SORCS2: variants seen among roughly 807,000 people sequenced by gnomAD.
SORCS2 encodes VPS10 domain-containing receptor SorCS2.
SORCS2 carries 100 observed loss-of-function variants against 141.6 expected under a neutral mutation model. The ratio of observed to expected loss-of-function variants is 0.71; its 90% CI spans 0.60 to 0.83. The LOEUF is 0.83. Among genes scored for constraint, SORCS2 ranks in the 40% least tolerant of loss-of-function variants. The pLI, the probability that SORCS2 is intolerant of heterozygous loss-of-function variation, is 0.00. For synonymous variants in SORCS2, 789 were observed against 676.9 expected (o/e 1.17, Z -2.57); for missense variants, 1,646 against 1,560.2 (o/e 1.05, Z -0.93).
Position 7,537,553 on chromosome 4 carries a change from G to A in SORCS2, c.648+5924G>A, listed in dbSNP as rs1192946058. 3.3e-5 allele frequency among the ~76,000 whole-genome samples: 5 copies of A among 152,198 alleles called. 1 individual carries two copies. Among genetic ancestry groups the A allele is most frequent in the African/African-American group, 9.7e-5 (4 of 41,440 alleles). ...GCCCTTTGCTTTGTCCAGTCTTATA[G>A]AGAGCAGATACAGATTATGTACCTA... On this transcript the variant is annotated intron_variant, in intron 3 of 26. Coordinates refer to ENST00000507866, the MANE Select transcript of SORCS2 (RefSeq NM_020777.3).
At chr4:7,483,147 C>T (rs1206958104) in intron 2 of SORCS2, among the ~76,000 whole-genome samples, 2 of 151,896 alleles carry the variant, frequency 1.3e-5, no homozygotes, top group East Asian at 1.9e-4. Flanking sequence ...GGTGAAACCC[C>T]GTCTCTACTA....
intron 3 of SORCS2, among the ~76,000 whole-genome samples, chr4:7,567,203 G>T (rs1232506664): frequency 3.9e-5 from 6 of 152,236 alleles, no homozygotes; most frequent in East Asian, 1.9e-4. Context: ...ATCTGACATT[G>T]GTATGTACAT....
intron 1 of SORCS2, among the ~76,000 whole-genome samples, chr4:7,194,117 G>A (rs1016843480): frequency 6.6e-6 from 1 of 152,160 alleles, no homozygotes; most frequent in Admixed American, 6.5e-5. Flanking sequence ...ATTGGGATAG[G>A]GAGGTGGCAG....
chr4:7,645,828 A>G (rs1721037119), intron 4 of SORCS2, among the ~76,000 whole-genome samples: 1 of 152,190 alleles, frequency 6.6e-6, no homozygotes, highest in Non-Finnish European at 1.5e-5. Context: ...TTACAAACCC[A>G]GGTGACAGCC....
intron 3 of SORCS2, among the ~76,000 whole-genome samples, chr4:7,549,966 G>T (rs1284686490): frequency 6.6e-6 from 1 of 152,168 alleles, no homozygotes; most frequent in Non-Finnish European, 1.5e-5. Flanking sequence ...TCTCATATTT[G>T]CTCCCGAGGA....
At chr4:7,409,548 G>C (rs149444876) in intron 2 of SORCS2, among the ~76,000 whole-genome samples, 347 of 152,280 alleles carry the variant, frequency 2.3e-3, no homozygotes, top group South Asian at 0.015. Context: ...CACTTGAGTT[G>C]TTTTCTATGG....
rs753849408 is a variant in SORCS2 at position 7,704,232 on chromosome 4, G to A, written c.1816G>A (p.Val606Met). Residue 606 changes from valine (V) to methionine (M), a missense_variant, in exon 14 of 27, where the codon GTG becomes ATG. Coordinates refer to ENST00000507866, the MANE Select transcript of SORCS2 (RefSeq NM_020777.3). ...WSTHNFTSTS[V>M]FVDGLLSEPG... is the part of the protein sequence containing the mutation. ...CACGCACAACTTCACCAGCACCTCG[G>A]TGTTTGTGGACGGGCTGCTGAGTGA... The A allele has an allele frequency of 3.1e-6, 5 of 1,613,230 alleles. No individual in the cohort carries two copies. The South Asian group carries it at 3.3e-5, about 11-fold the overall frequency.
intron 2 of SORCS2, among the ~76,000 whole-genome samples, chr4:7,525,926 T>TG (rs1733662842): frequency 1.9e-5 from 1 of 52,980 alleles, no homozygotes; most frequent in Non-Finnish European, 3.6e-5. Flanking sequence ...TGTCCCCTCC[T>TG]CACACCTGTC....
chr4:7,624,273 G>T (rs1042339106), intron 3 of SORCS2, among the ~76,000 whole-genome samples: 1 of 152,076 alleles, frequency 6.6e-6, no homozygotes, highest in South Asian at 2.1e-4. Context: ...TTACATTCAC[G>T]GGCCTTTCTT....
intron 3 of SORCS2, among the ~76,000 whole-genome samples, chr4:7,533,976 C>T (rs778006539): frequency 3.0e-4 from 45 of 152,054 alleles, no homozygotes; most frequent in South Asian, 2.1e-3. Flanking sequence ...CAGGCAGCAC[C>T]GGGGAGGTAT....
chr4:7,416,557 T>A (rs1222638701), intron 2 of SORCS2, among the ~76,000 whole-genome samples: 2 of 152,114 alleles, frequency 1.3e-5, no homozygotes, highest in East Asian at 3.9e-4. Context: ...TGCATGCATG[T>A]GCACATGCAC....
chr4:7,252,161 C>A (rs1713547860), intron 1 of SORCS2, among the ~76,000 whole-genome samples: 1 of 152,228 alleles, frequency 6.6e-6, no homozygotes, highest in South Asian at 2.1e-4. Flanking sequence ...TACTACCTGG[C>A]ATCTGGGGGG....
At chr4:7,217,171 C>T (rs1350489480) in intron 1 of SORCS2, among the ~76,000 whole-genome samples, 1 of 152,228 alleles carries the variant, frequency 6.6e-6, no homozygotes, top group Non-Finnish European at 1.5e-5. Context: ...TGACCAGCCT[C>T]ATTGGGTCCC....
chr4:7,539,795 C>G (rs1319222175), intron 3 of SORCS2, among the ~76,000 whole-genome samples: 1 of 149,860 alleles, frequency 6.7e-6, no homozygotes, highest in African/African-American at 2.5e-5. Flanking sequence ...TGTGGATGCT[C>G]TGCCTCCTTC....
intron 2 of SORCS2, among the ~76,000 whole-genome samples, chr4:7,441,178 G>C (rs1727639850): frequency 6.6e-6 from 1 of 152,202 alleles, no homozygotes; most frequent in South Asian, 2.1e-4. Flanking sequence ...AGGGTCAGAG[G>C]GCAGGTGAAG....
Position 7,715,234 on chromosome 4 carries a change from C to T in SORCS2, c.2175C>T (p.Cys725=), listed in dbSNP as rs749527450. ...SSSSESSTNK[C]SANFWFNPLS... The stretch of plus-strand genomic sequence containing the variant: ...CCTCAGAGTCCAGCACCAACAAGTG[C>T]TCTGCCAACTTCTGGTTTAACCCAT... Residue 725 remains cysteine (C), a synonymous_variant, in exon 17 of 27, where the codon TGC becomes TGT. Transcript: ENST00000507866. 4 of 1,613,906 alleles carry T rather than the reference C, an allele frequency of 2.5e-6. No homozygotes were observed. The Admixed American group carries it at 5.0e-5, about 20-fold the overall frequency.
At chr4:7,434,908 T>G in intron 2 of SORCS2, 1 of 1,504,818 alleles carries the variant, frequency 6.6e-7, no homozygotes, top group Non-Finnish European at 8.9e-7. Context: ...GGCTCCAGAG[T>G]ACCCAGCAGT....
At chr4:7,442,833 C>T (rs1414131017) in intron 2 of SORCS2, among the ~76,000 whole-genome samples, 1 of 151,854 alleles carries the variant, frequency 6.6e-6, no homozygotes, top group Non-Finnish European at 1.5e-5. Flanking sequence ...ACGGGGTGGC[C>T]GAAAACAACC....
Position 7,541,584 on chromosome 4 carries a change from G to A in SORCS2, c.648+9955G>A, listed in dbSNP as rs190977853. Reference sequence around the variant, plus strand: ...CACAGCTGTGGCCAGGGCCTTGCTCGGGGGCGCCCAGGCAGCCAGGCCTCT... The same window carrying A: ...CACAGCTGTGGCCAGGGCCTTGCTCAGGGGCGCCCAGGCAGCCAGGCCTCT... On this transcript the variant is annotated intron_variant, in intron 3 of 26. Coordinates refer to ENST00000507866, the MANE Select transcript of SORCS2 (RefSeq NM_020777.3). Among the ~76,000 whole-genome samples, 149 of 152,288 alleles carry A rather than the reference G, an allele frequency of 9.8e-4. 1 individual carries two copies. Among genetic ancestry groups the A allele is most frequent in the African/African-American group, 2.8e-3 (116 of 41,574 alleles).
Sources: allele counts gnomAD v4.1 joint callset (sites outside exome capture counted in the v4.1 genomes callset), GRCh38; gene constraint gnomAD v4.1.1; transcripts MANE v1.5; gene names NCBI Gene and HGNC (gene_info 2026-07-23, HGNC 2026-07-21).